The following MYO16 variants were observed in gnomAD, a reference collection of about 807,000 sequenced individuals.
MYO16 encodes unconventional myosin-XVI.
MYO16 carries 94 observed loss-of-function variants against 205.3 expected under a neutral mutation model. The observed-to-expected ratio is 0.46, with a 90% CI of 0.39 to 0.54. The LOEUF (loss-of-function observed/expected upper bound fraction) is 0.54, where lower values mean the gene tolerates loss of function less well. Ranked by LOEUF, MYO16 falls within the 20% of genes least tolerant of loss-of-function variation. MYO16 has a pLI of 0.00. For synonymous variants in MYO16, 988 were observed against 954.0 expected (o/e 1.04, Z -0.66); for missense variants, 2,315 against 2,387.5 (o/e 0.97, Z 0.63).
intron 28 of MYO16, among the ~76,000 whole-genome samples, chr13:109,114,221 G>A (rs1183219293): frequency 6.6e-6 from 1 of 152,052 alleles, no homozygotes; most frequent in Non-Finnish European, 1.5e-5. Flanking sequence ...TGAAAATGTG[G>A]TCCACAGACC....
intron 4 of MYO16, among the ~76,000 whole-genome samples, chr13:108,759,079 G>A (rs1448597742): frequency 6.6e-6 from 1 of 152,026 alleles, no homozygotes; most frequent in Non-Finnish European, 1.5e-5. Context: ...TAGAAAGCCT[G>A]AGCCAAATGA....
At chr13:108,618,246 T>G (rs1279543038) in intron 1 of MYO16, among the ~76,000 whole-genome samples, 2 of 152,198 alleles carry the variant, frequency 1.3e-5, no homozygotes, top group African/African-American at 2.4e-5. Context: ...GTCTTCATTT[T>G]TCAGGTCAGG....
At chr13:108,575,793 T>C in the MYO16 span, among the ~76,000 whole-genome samples, 15 of 152,190 alleles carry the variant, frequency 9.9e-5, no homozygotes, top group African/African-American at 2.9e-4. Context: ...CTCTGGTTAA[T>C]TCTGTCTTTC....
At chr13:108,531,696 C>T in the MYO16 span, among the ~76,000 whole-genome samples, 2 of 150,904 alleles carry the variant, frequency 1.3e-5, no homozygotes, top group Admixed American at 6.6e-5. Flanking sequence ...ATATGCTTTA[C>T]AAAGCTCACA....
chr13:108,706,264 C>T (rs1926526), intron 2 of MYO16, among the ~76,000 whole-genome samples: 106,827 of 152,034 alleles, frequency 0.7, 37,648 homozygotes, highest in East Asian at 0.86. Flanking sequence ...GTTGATTGTA[C>T]GTGGCTGAAA....
intron 1 of MYO16, among the ~76,000 whole-genome samples, chr13:108,600,355 T>C (rs1445241932): frequency 6.6e-6 from 1 of 152,166 alleles, no homozygotes; most frequent in Non-Finnish European, 1.5e-5. Context: ...TTATAACATT[T>C]TACCTACTAC....
At chr13:108,695,742 A>G (rs1883067990) in intron 2 of MYO16, among the ~76,000 whole-genome samples, 1 of 152,198 alleles carries the variant, frequency 6.6e-6, no homozygotes, top group African/African-American at 2.4e-5. Context: ...TTCACTTGGT[A>G]TAAATAAAAC....
the MYO16 span, among the ~76,000 whole-genome samples, chr13:108,501,387 C>A: frequency 2.0e-5 from 3 of 152,130 alleles, no homozygotes; most frequent in Non-Finnish European, 4.4e-5. Flanking sequence ...CCGGTAACCC[C>A]GGGTCCCACC....
chr13:108,784,088 C>G (rs1886386569), intron 4 of MYO16, among the ~76,000 whole-genome samples: 2 of 152,182 alleles, frequency 1.3e-5, no homozygotes, highest in Non-Finnish European at 2.9e-5. Flanking sequence ...CTGAGTCACT[C>G]TGGATGTTTA....
At chr13:109,180,158 G>A (rs199921544) in intron 34 of MYO16, among the ~76,000 whole-genome samples, 1 of 152,096 alleles carries the variant, frequency 6.6e-6, no homozygotes, top group East Asian at 1.9e-4. Context: ...CCACAAAACT[G>A]TTTGGAGGTG....
chr13:108,968,652 A>G (rs1883892707), intron 20 of MYO16, among the ~76,000 whole-genome samples: 1 of 152,086 alleles, frequency 6.6e-6, no homozygotes, highest in South Asian at 2.1e-4. Flanking sequence ...ACAATGGAGT[A>G]AGGCATTTGG....
chr13:108,682,387 C>T (rs1926498), intron 2 of MYO16, among the ~76,000 whole-genome samples: 113,114 of 151,754 alleles, frequency 0.75, 42,728 homozygotes, highest in Middle Eastern at 0.88. Context: ...CAGGCTTTTA[C>T]TGACGTTACT....
intron 27 of MYO16, among the ~76,000 whole-genome samples, chr13:109,091,309 A>T (rs2139690613): frequency 6.6e-6 from 1 of 152,352 alleles, no homozygotes; most frequent in Non-Finnish European, 1.5e-5. Context: ...GGAAATATAC[A>T]AAAATAAATA....
At chr13:109,194,454 G>A (rs1007637931) in intron 34 of MYO16, among the ~76,000 whole-genome samples, 3 of 152,120 alleles carry the variant, frequency 2.0e-5, no homozygotes, top group South Asian at 2.1e-4. Flanking sequence ...TATTTCACAC[G>A]GTTGTGAGTG....
At chr13:108,705,753 A>G (rs555557916) in intron 2 of MYO16, among the ~76,000 whole-genome samples, 28 of 152,280 alleles carry the variant, frequency 1.8e-4, no homozygotes, top group African/African-American at 5.8e-4. Context: ...GTAAAATTAT[A>G]TGCCAAAAAG....
At chr13:108,568,032 T>C in the MYO16 span, among the ~76,000 whole-genome samples, 1 of 152,206 alleles carries the variant, frequency 6.6e-6, no homozygotes, top group Non-Finnish European at 1.5e-5. Context: ...GTGGAATGGA[T>C]CAGTACTTCA....
chr13:109,205,344 TG>T (rs1880555074), intron 34 of MYO16, among the ~76,000 whole-genome samples: 1 of 152,194 alleles, frequency 6.6e-6, no homozygotes, highest in African/African-American at 2.4e-5. Flanking sequence ...CAGGTGTTGG[TG>T]TTAGAATTGG....
chr13:108,708,065 G>A (rs1205839756), intron 2 of MYO16, among the ~76,000 whole-genome samples: 1 of 152,106 alleles, frequency 6.6e-6, no homozygotes, highest in Non-Finnish European at 1.5e-5. Flanking sequence ...GAGGGTGAGG[G>A]GGTGATAATA....
At chr13:108,821,788 A>G (rs968558490) in intron 8 of MYO16, among the ~76,000 whole-genome samples, 4 of 152,136 alleles carry the variant, frequency 2.6e-5, no homozygotes, top group Non-Finnish European at 5.9e-5. Flanking sequence ...TCATCTCAGC[A>G]CAGTGCATGA....
Sources: gnomAD v4.1 joint callset for allele counts (sites outside exome capture counted in the v4.1 genomes callset) on GRCh38, gnomAD v4.1.1 for gene constraint, MANE v1.5 for transcripts, NCBI Gene and HGNC (gene_info 2026-07-23, HGNC 2026-07-21) for gene names.